The following GLIS1 variants were observed in gnomAD, a reference collection of about 807,000 sequenced individuals.
GLIS1 encodes GLIS family zinc finger 1, also known as zinc finger protein GLIS1.
In GLIS1, 24 loss-of-function variants were observed where a neutral mutation model predicts 63.8. That is an observed-to-expected ratio of 0.38 (90% CI 0.27 to 0.53). The LOEUF is 0.53. GLIS1 is among the 20% of genes least tolerant of loss of function. The probability of loss-of-function intolerance (pLI) is 0.85; values close to 1 mark genes in which losing one functional copy is unlikely to be tolerated. For synonymous variants in GLIS1, 450 were observed against 482.5 expected, an observed-to-expected ratio of 0.93 and a Z score of 0.88; for missense variants, 1,036 against 1,074.1, an observed-to-expected ratio of 0.96 and a Z score of 0.50.
intron 4 of GLIS1, among the ~76,000 whole-genome samples, chr1:53,579,078 G>A (rs900568066): frequency 1.3e-5 from 2 of 149,204 alleles, no homozygotes; most frequent in Non-Finnish European, 3.0e-5. Flanking sequence ...AAAAAAAACA[G>A]TTTAGGTCAA....
intron 4 of GLIS1, among the ~76,000 whole-genome samples, chr1:53,548,374 A>C (rs1313653685): frequency 6.6e-6 from 1 of 152,042 alleles, no homozygotes; most frequent in African/African-American, 2.4e-5. Context: ...TCCCGTGTCC[A>C]CCATGGACAG....
At chr1:53,602,739 C>G (rs1359562738) in intron 2 of GLIS1, among the ~76,000 whole-genome samples, 3 of 152,186 alleles carry the variant, frequency 2.0e-5, no homozygotes, top group African/African-American at 7.2e-5. Context: ...CTGTAAGAAG[C>G]AGGGCCACAG....
At chr1:53,552,359 C>T (rs960561929) in intron 4 of GLIS1, among the ~76,000 whole-genome samples, 1 of 152,046 alleles carries the variant, frequency 6.6e-6, no homozygotes, top group African/African-American at 2.4e-5. Flanking sequence ...ACAGCATGGC[C>T]CAGGTGGCAG....
At chr1:53,529,080 C>T (rs1644501176) in intron 5 of GLIS1, among the ~76,000 whole-genome samples, 1 of 152,232 alleles carries the variant, frequency 6.6e-6, no homozygotes, top group African/African-American at 2.4e-5. Flanking sequence ...CTGCCCAGAG[C>T]ACAGGGTCTG....
chr1:53,738,107 C>T lies in GLIS1; in HGVS notation c.-42-1G>A, dbSNP rs944337921. 7.3e-6 allele frequency: 9 copies of T among 1,225,372 alleles called. No homozygotes were observed. Among genetic ancestry groups the T allele is most frequent in the Non-Finnish European group, 9.2e-6 (9 of 982,828 alleles). 75.9% of individuals were successfully genotyped at this position (1,225,372 alleles called of 1,614,324 possible). On this transcript the variant is annotated splice_acceptor_variant, in intron 1 of 10. Coordinates refer to ENST00000628545, the MANE Select transcript of GLIS1 (RefSeq NM_001367484.1). LOFTEE classifies it low-confidence loss of function (5UTR_SPLICE). ...CACGGCTGGGGGTCGCGCCGGGCTCCTGGGGAGGGGAGACAGCACAGCCAG... is the reference window on the plus strand; with the variant it reads ...CACGGCTGGGGGTCGCGCCGGGCTCTTGGGGAGGGGAGACAGCACAGCCAG...
In GLIS1 at chr1:53,710,187, C is replaced by T. The variant is rs139178173; in HGVS notation, c.259+27619G>A. ...TCTCCCAAGCCCCCCAAACACCACC[C>T]GTCTCCATCTCTGGGGGGCTTTCCG... On this transcript the variant is annotated intron_variant, in intron 2 of 10. Coordinates refer to ENST00000628545, the MANE Select transcript of GLIS1 (RefSeq NM_001367484.1). Among the ~76,000 whole-genome samples, 1,163 of 152,312 alleles carry T rather than the reference C, an allele frequency of 7.6e-3. 14 individuals carry two copies. The highest frequency in any genetic ancestry group is 0.011 in the Admixed American group (171 of 15,302).
At chr1:53,708,198 G>A (rs1245933038) in intron 2 of GLIS1, among the ~76,000 whole-genome samples, 1 of 151,976 alleles carries the variant, frequency 6.6e-6, no homozygotes, top group Non-Finnish European at 1.5e-5. Flanking sequence ...CAGGAGAATG[G>A]CGTGAACCCA....
At chr1:53,524,647 A>C in intron 6 of GLIS1, 130 bp downstream of exon 6, 1 of 683,536 alleles carries the variant, frequency 1.5e-6, no homozygotes, top group Non-Finnish European at 2.6e-6. Flanking sequence ...GAACGGACGA[A>C]CGGATGGACG....
rs1246155710 is a variant in GLIS1 at position 53,692,823 on chromosome 1, TGCAGGCCCAGTTCTCTGGATGGTAG to T, written c.259+44958_259+44982del. ...GAACCCCACGCTTGCCCAAGGTCCCTGCAGGCCCAGTTCTCTGGATGGTAGGCACCGCCACCCTAAGCAAACCCCA... is the reference window on the plus strand; with the variant it reads ...GAACCCCACGCTTGCCCAAGGTCCCTGCACCGCCACCCTAAGCAAACCCCA... On this transcript the variant is annotated intron_variant, in intron 2 of 10. Coordinates refer to ENST00000628545, the MANE Select transcript of GLIS1 (RefSeq NM_001367484.1). 3.9e-5 allele frequency among the ~76,000 whole-genome samples: 6 copies of T among 152,320 alleles called. No homozygotes were observed. In the East Asian group the frequency reaches 1.2e-3, roughly 29 times the overall value.
chr1:53,524,657 G>A (rs1451469720), intron 6 of GLIS1, 120 bp downstream of exon 6: 21 of 710,412 alleles, frequency 3.0e-5, no homozygotes, highest in East Asian at 1.3e-4. Flanking sequence ...ACGGATGGAC[G>A]AACAGTGGCA....
At chr1:53,643,473 C>T (rs1302465734) in intron 2 of GLIS1, among the ~76,000 whole-genome samples, 1 of 152,316 alleles carries the variant, frequency 6.6e-6, no homozygotes, top group East Asian at 1.9e-4. Flanking sequence ...CATGCACAGA[C>T]AGTGTGGCCT....
At chr1:53,699,000 T>C (rs750883291) in intron 2 of GLIS1, among the ~76,000 whole-genome samples, 3 of 152,232 alleles carry the variant, frequency 2.0e-5, no homozygotes, top group South Asian at 4.1e-4. Flanking sequence ...CACACTGCAC[T>C]GTGCTATGAG....
intron 2 of GLIS1, among the ~76,000 whole-genome samples, chr1:53,605,409 C>T (rs1171745526): frequency 6.6e-6 from 1 of 152,214 alleles, no homozygotes; most frequent in East Asian, 1.9e-4. Flanking sequence ...TGGAATGGTG[C>T]TTGGTCTCCT....
intron 2 of GLIS1, among the ~76,000 whole-genome samples, chr1:53,633,667 G>A (rs1049432686): frequency 1.3e-5 from 2 of 152,072 alleles, no homozygotes; most frequent in East Asian, 1.9e-4. Flanking sequence ...CACTGCGTGT[G>A]TCAATCCTAG....
chr1:53,521,011 G>A (rs923761618), intron 6 of GLIS1, among the ~76,000 whole-genome samples: 1 of 152,228 alleles, frequency 6.6e-6, no homozygotes, highest in East Asian at 1.9e-4. Context: ...AATGGGAGAC[G>A]TGCCATCTGT....
At position 53,538,214 on chromosome 1, in the gene GLIS1, G is replaced by T. The variant is rs565467682; in HGVS notation, c.1321-8262C>A. On this transcript the variant is annotated intron_variant, in intron 4 of 10. Transcript: ENST00000628545. Reference sequence around the variant, plus strand: ...GACAGACGGGAGGAGGGTCCTGGGGGTGAGGCTGGAGGGCACTGACCCGGG... The same window carrying T: ...GACAGACGGGAGGAGGGTCCTGGGGTTGAGGCTGGAGGGCACTGACCCGGG... Among the ~76,000 whole-genome samples, 8 of 152,326 alleles carry T rather than the reference G, an allele frequency of 5.3e-5. No individual in the cohort carries two copies. The South Asian group carries it at 1.7e-3, about 32-fold the overall frequency.
chr1:53,691,671 T>C (rs541476180), intron 2 of GLIS1, among the ~76,000 whole-genome samples: 1 of 152,276 alleles, frequency 6.6e-6, no homozygotes, highest in South Asian at 2.1e-4. Context: ...TCAGCCAGCA[T>C]CAAATCATAC....
At chr1:53,714,774 A>T (rs891584154) in intron 2 of GLIS1, among the ~76,000 whole-genome samples, 10 of 152,274 alleles carry the variant, frequency 6.6e-5, no homozygotes, top group Admixed American at 5.9e-4. Context: ...TGAGATGGAC[A>T]GGCGCAGCAA....
intron 4 of GLIS1, among the ~76,000 whole-genome samples, chr1:53,572,697 G>A (rs1307456930): frequency 6.6e-6 from 1 of 152,246 alleles, no homozygotes; most frequent in African/African-American, 2.4e-5. Flanking sequence ...CTCAGAGAAT[G>A]GCTGGCAAGG....
Sources: allele counts gnomAD v4.1 joint callset (sites outside exome capture counted in the v4.1 genomes callset), GRCh38; gene constraint gnomAD v4.1.1; transcripts MANE v1.5; gene names NCBI Gene and HGNC (gene_info 2026-07-23, HGNC 2026-07-21).